The following TRIO variants were observed in gnomAD, a reference collection of about 807,000 sequenced individuals.
TRIO encodes the protein triple functional domain protein.
Under a neutral mutation model 351.9 loss-of-function variants are expected in TRIO, and 58 were observed. The observed-to-expected ratio is 0.16, with a 90% CI of 0.13 to 0.21. TRIO has a LOEUF of 0.21. Ranked by LOEUF, TRIO falls within the 10% of genes least tolerant of loss-of-function variation. The pLI is 1.00. For synonymous variants in TRIO, 1,758 were observed against 1,595.7 expected (o/e 1.10, Z -2.42); for missense variants, 3,201 against 4,027.8 (o/e 0.79, Z 5.56).
chr5:14,308,263 A>G (rs556905795), intron 8 of TRIO, among the ~76,000 whole-genome samples: 1 of 150,662 alleles, frequency 6.6e-6, no homozygotes, highest in African/African-American at 2.5e-5. Flanking sequence ...CCATCTGTCC[A>G]CCTAACCACC....
rs1375809196 is a variant in TRIO, at chr5:14,509,568, A to AT, written c.*1154dup. 4.6e-5 allele frequency: 14 copies of AT among 304,512 alleles called. No homozygotes were observed. The highest frequency in any genetic ancestry group is 1.0e-4 in the Admixed American group (2 of 20,070). 18.9% of individuals were successfully genotyped at this position (304,512 alleles called of 1,614,324 possible). On this transcript the variant is annotated 3_prime_UTR_variant, in exon 57 of 57. Coordinates refer to ENST00000344204, the MANE Select transcript of TRIO (RefSeq NM_007118.4). Reference sequence around the variant, plus strand: ...CTATTATTCAGAATGCCAAAGTATTATTTTTTTTCCCAAAATCAGTCTGGA... The same window carrying AT: ...CTATTATTCAGAATGCCAAAGTATTATTTTTTTTTCCCAAAATCAGTCTGGA...
intron 21 of TRIO, among the ~76,000 whole-genome samples, chr5:14,384,402 T>G (rs1338415387): frequency 5.3e-5 from 8 of 152,262 alleles, no homozygotes; most frequent in African/African-American, 1.9e-4. Context: ...GCTTTTATTT[T>G]TCTCCAGTTC....
chr5:14,501,432 TG>T (rs1757296789), intron 53 of TRIO, among the ~76,000 whole-genome samples: 1 of 152,232 alleles, frequency 6.6e-6, no homozygotes, highest in Non-Finnish European at 1.5e-5. Flanking sequence ...TTCTGGTTTC[TG>T]GGAGGCTGCA....
intron 3 of TRIO, among the ~76,000 whole-genome samples, chr5:14,284,310 T>A (rs1205182523): frequency 6.6e-6 from 1 of 152,180 alleles, no homozygotes; most frequent in Non-Finnish European, 1.5e-5. Context: ...GTGGAAGGGC[T>A]TGGGGGCCCT....
intron 17 of TRIO, 91 bp downstream of exon 17, chr5:14,368,990 T>C: frequency 6.9e-7 from 1 of 1,442,704 alleles, no homozygotes; most frequent in Non-Finnish European, 9.4e-7. Context: ...AACATGTTCA[T>C]CGTTATTGAA....
chr5:14,211,686 C>T (rs1791909760), intron 1 of TRIO, among the ~76,000 whole-genome samples: 1 of 146,834 alleles, frequency 6.8e-6, no homozygotes, highest in South Asian at 2.2e-4. Flanking sequence ...GCTAGATCTG[C>T]ATACAGAGAG....
intron 48 of TRIO, among the ~76,000 whole-genome samples, chr5:14,491,101 G>T (rs1204638071): frequency 6.6e-6 from 1 of 152,180 alleles, no homozygotes; most frequent in East Asian, 1.9e-4. Flanking sequence ...ATGCACCACA[G>T]GTCTAGATTC....
intron 48 of TRIO, chr5:14,492,348 C>G: frequency 1.6e-6 from 1 of 609,836 alleles, no homozygotes. Context: ...TAAGAGCGTC[C>G]CTAAATTGCT....
chr5:14,312,525 A>T (rs1323103509), intron 8 of TRIO, among the ~76,000 whole-genome samples: 1 of 152,226 alleles, frequency 6.6e-6, no homozygotes, highest in Non-Finnish European at 1.5e-5. Flanking sequence ...CAAAGAGCAG[A>T]CTGAAAAATG....
Position 14,444,141 on chromosome 5 carries a change from G to A in TRIO, c.5204-16878G>A, listed in dbSNP as rs187154328. Among the ~76,000 whole-genome samples, 263 of 142,696 alleles carry A rather than the reference G, an allele frequency of 1.8e-3. 1 individual carries two copies. The highest frequency in any genetic ancestry group is 2.9e-3 in the Non-Finnish European group (186 of 65,074). 93.6% of individuals were successfully genotyped at this position (142,696 alleles called of 152,430 possible). A position where few individuals can be genotyped will look rare whatever the true frequency, so the allele number is the denominator to read the frequency against. On this transcript the variant is annotated intron_variant, in intron 34 of 56. Coordinates refer to ENST00000344204, the MANE Select transcript of TRIO (RefSeq NM_007118.4). ...ATGGATTCTCACCACTGCAATTTTT[G>A]TTTTTATAAATTAAAGGGAAACATT...
chr5:14,305,036 AT>A (rs1318088164), intron 8 of TRIO, among the ~76,000 whole-genome samples: 3 of 152,170 alleles, frequency 2.0e-5, no homozygotes, highest in African/African-American at 7.2e-5. Flanking sequence ...GGTGTATTAC[AT>A]TATTTACTTA....
chr5:14,215,038 C>A (rs1348732904), intron 1 of TRIO, among the ~76,000 whole-genome samples: 1 of 151,936 alleles, frequency 6.6e-6, no homozygotes, highest in Non-Finnish European at 1.5e-5. Flanking sequence ...TTGGTGTTTA[C>A]CATGTGTAAT....
intron 31 of TRIO, among the ~76,000 whole-genome samples, chr5:14,401,842 C>T (rs1237442619): frequency 6.6e-6 from 1 of 152,092 alleles, no homozygotes; most frequent in African/African-American, 2.4e-5. Context: ...TAAGGCTTAT[C>T]GAATATTGGG....
intron 1 of TRIO, among the ~76,000 whole-genome samples, chr5:14,158,423 CA>C (rs575233067): frequency 0.1 from 12,741 of 124,054 alleles, 562 homozygotes; most frequent in Middle Eastern, 0.18. Flanking sequence ...GACTCCGCCT[CA>C]AAAAAAAAAA....
chr5:14,222,749 C>G (rs1031296862), intron 1 of TRIO, among the ~76,000 whole-genome samples: 1 of 152,176 alleles, frequency 6.6e-6, no homozygotes, highest in Non-Finnish European at 1.5e-5. Flanking sequence ...CTGAGGGGCA[C>G]CTCCTCTCCC....
At chr5:14,363,339 C>T (rs913244472) in intron 13 of TRIO, among the ~76,000 whole-genome samples, 1 of 152,112 alleles carries the variant, frequency 6.6e-6, no homozygotes, top group African/African-American at 2.4e-5. Flanking sequence ...AATACTTTTT[C>T]TTTTCTTTCT....
chr5:14,331,138 T>A (rs112927068), intron 10 of TRIO, among the ~76,000 whole-genome samples: 52 of 152,394 alleles, frequency 3.4e-4, no homozygotes, highest in African/African-American at 1.2e-3. Flanking sequence ...TTGGGTGTTT[T>A]TGTCTTGTTT....
chr5:14,482,789 G>C lies in TRIO; in HGVS notation c.6657+16G>C, dbSNP rs374646372. The C allele has an allele frequency of 2.6e-6, 4 of 1,531,432 alleles. No individual in the cohort carries two copies. Among genetic ancestry groups the C allele is most frequent in the South Asian group, 1.2e-5 (1 of 80,842 alleles). 94.9% of individuals were successfully genotyped at this position (1,531,432 alleles called of 1,614,324 possible). ...CAGTATCAAGGTAACGTGTGTCTCT[G>C]TGTGATTTCTCTGTGCCAGCGCATG... On this transcript the variant is annotated intron_variant, in intron 46 of 56. Coordinates refer to ENST00000344204, the MANE Select transcript of TRIO (RefSeq NM_007118.4).
At chr5:14,470,027 A>T (rs1754569815) in intron 37 of TRIO, among the ~76,000 whole-genome samples, 1 of 152,230 alleles carries the variant, frequency 6.6e-6, no homozygotes, top group African/African-American at 2.4e-5. Context: ...AGCGTGAAAC[A>T]AGCTCTGCTA....
Sources: allele counts gnomAD v4.1 joint callset (sites outside exome capture counted in the v4.1 genomes callset), GRCh38; gene constraint gnomAD v4.1.1; transcripts MANE v1.5; gene names NCBI Gene and HGNC (gene_info 2026-07-23, HGNC 2026-07-21).